The following MINDY4 variants were observed in gnomAD, a reference collection of about 807,000 sequenced individuals.
The protein encoded by MINDY4 is probable ubiquitin carboxyl-terminal hydrolase MINDY-4.
A neutral mutation model predicts 87.0 loss-of-function variants in MINDY4; 68 were observed. The observed-to-expected ratio is 0.78, with a 90% CI of 0.64 to 0.96. The LOEUF (loss-of-function observed/expected upper bound fraction) is 0.96. MINDY4 is among the 40% of genes least tolerant of loss of function. The pLI, the probability that MINDY4 is intolerant of heterozygous loss-of-function variation, is 0.00. For synonymous variants in MINDY4, 379 were observed against 363.2 expected, an observed-to-expected ratio of 1.04 and a Z score of -0.50; for missense variants, 919 against 928.2, an observed-to-expected ratio of 0.99 and a Z score of 0.13.
At chr7:30,854,877 AC>A (rs914744447) in intron 12 of MINDY4, among the ~76,000 whole-genome samples, 8 of 152,288 alleles carry the variant, frequency 5.3e-5, no homozygotes, top group Non-Finnish European at 1.2e-4. Context: ...AAGTGCTTTC[AC>A]CCCTCAGCCT....
chr7:30,844,442 T>G (rs1308666363), intron 9 of MINDY4, among the ~76,000 whole-genome samples: 1 of 144,970 alleles, frequency 6.9e-6, no homozygotes, highest in Admixed American at 6.8e-5. Flanking sequence ...CCCACCCCAG[T>G]CTCCTCCCAC....
rs1350891527 is a variant in MINDY4 at position 30,778,417 on chromosome 7, G to A, written c.64-15G>A. The A allele has an allele frequency of 6.2e-7, 1 of 1,614,178 alleles. No homozygotes were observed. The stretch of plus-strand genomic sequence containing the variant: ...ATTTAAGATGGTAAACAGCGATTCA[G>A]CTTTCTTCCCTCAGGGCTTAAAGAA... On this transcript the variant is annotated splice_polypyrimidine_tract_variant and intron_variant, in intron 1 of 17. Transcript: ENST00000265299.
At chr7:30,818,648 G>A (rs967945938) in intron 5 of MINDY4, among the ~76,000 whole-genome samples, 1 of 152,158 alleles carries the variant, frequency 6.6e-6, no homozygotes, top group Non-Finnish European at 1.5e-5. Context: ...TACTCTATTT[G>A]GGAATGTAAA....
At chr7:30,882,456 C>T (rs538608582) in intron 16 of MINDY4, 95 bp downstream of exon 16, 3 of 1,111,924 alleles carry the variant, frequency 2.7e-6, no homozygotes, top group Middle Eastern at 3.1e-4. Flanking sequence ...CACCAACCCC[C>T]ATGACAGAGA....
intron 17 of MINDY4, among the ~76,000 whole-genome samples, chr7:30,888,580 T>C (rs1283447067): frequency 6.6e-6 from 1 of 152,204 alleles, no homozygotes; most frequent in Non-Finnish European, 1.5e-5. Flanking sequence ...CAGTTGTTGG[T>C]TGCATATGCA....
At chr7:30,869,344 C>T (rs532749517) in intron 13 of MINDY4, among the ~76,000 whole-genome samples, 6 of 152,262 alleles carry the variant, frequency 3.9e-5, no homozygotes, top group African/African-American at 1.2e-4. Flanking sequence ...GCCTTCAGCC[C>T]GTATGTTTCA....
chr7:30,820,724 T>G (rs1364322760), intron 5 of MINDY4, among the ~76,000 whole-genome samples: 1 of 152,234 alleles, frequency 6.6e-6, no homozygotes, highest in African/African-American at 2.4e-5. Flanking sequence ...ATATAACATT[T>G]TATTTATTTA....
intron 5 of MINDY4, among the ~76,000 whole-genome samples, chr7:30,822,431 A>G (rs1249089940): frequency 6.6e-6 from 1 of 152,006 alleles, no homozygotes; most frequent in Non-Finnish European, 1.5e-5. Context: ...TCAGCCTCCT[A>G]AAGTGTTGGG....
intron 5 of MINDY4, among the ~76,000 whole-genome samples, chr7:30,814,899 A>T (rs539465247): frequency 1.3e-5 from 2 of 152,230 alleles, no homozygotes; most frequent in South Asian, 4.1e-4. Flanking sequence ...CTCTTATATA[A>T]ATGCTTACGC....
At chr7:30,791,013 A>C (rs1045001934) in intron 4 of MINDY4, 152 bp from the exon 5 acceptor site, 8 of 823,100 alleles carry the variant, frequency 9.7e-6, no homozygotes, top group African/African-American at 6.8e-5. Flanking sequence ...TAGCTCCTTA[A>C]ATAATAGGCA....
In MINDY4 at chr7:30,784,707, G is replaced by C. The variant is rs200190105; in HGVS notation, c.420-1042G>C. On this transcript the variant is annotated intron_variant, in intron 3 of 17. Transcript: ENST00000265299. ...CTGCCTGGTTCTCTCAGACTCAGGT[G>C]CTGCCTTCTCTGGGAGCCCTTCAGA... Among the ~76,000 whole-genome samples, 10 of 152,208 alleles carry C rather than the reference G, an allele frequency of 6.6e-5. No individual in the cohort carries two copies. The East Asian group carries it at 1.9e-3, about 29-fold the overall frequency.
At chr7:30,812,059 C>T (rs750131953) in intron 5 of MINDY4, among the ~76,000 whole-genome samples, 10 of 152,180 alleles carry the variant, frequency 6.6e-5, no homozygotes, top group South Asian at 4.2e-4. Flanking sequence ...CAAAAGGGCA[C>T]GTGTACCAGA....
chr7:30,796,170 C>T (rs1227981346), intron 5 of MINDY4, among the ~76,000 whole-genome samples: 1 of 151,790 alleles, frequency 6.6e-6, no homozygotes, highest in Non-Finnish European at 1.5e-5. Flanking sequence ...CATCTACTCT[C>T]TCAATCTCCC....
At chr7:30,835,057 A>G (rs558932481) in intron 6 of MINDY4, among the ~76,000 whole-genome samples, 1 of 152,308 alleles carries the variant, frequency 6.6e-6, no homozygotes, top group Non-Finnish European at 1.5e-5. Context: ...TTTCAAAGTC[A>G]CTTCCACATT....
chr7:30,840,930 G>C, intron 9 of MINDY4, 82 bp downstream of exon 9: 1 of 1,223,668 alleles, frequency 8.2e-7, no homozygotes, highest in Non-Finnish European at 1.2e-6. Flanking sequence ...AAGGAAGCAT[G>C]TGTGTTCCCT....
chr7:30,881,613 C>G (rs1247115327), intron 15 of MINDY4, among the ~76,000 whole-genome samples: 1 of 152,228 alleles, frequency 6.6e-6, no homozygotes, highest in Non-Finnish European at 1.5e-5. Flanking sequence ...AGGGTATGAT[C>G]TGTCGAGCAT....
At chr7:30,878,943 A>G (rs1173861002) in intron 15 of MINDY4, among the ~76,000 whole-genome samples, 2 of 152,190 alleles carry the variant, frequency 1.3e-5, no homozygotes, top group Non-Finnish European at 2.9e-5. Flanking sequence ...CACCTGTGAC[A>G]GCCTAGCCAA....
chr7:30,832,104 G>A (rs1393447259), intron 6 of MINDY4, among the ~76,000 whole-genome samples: 2 of 152,150 alleles, frequency 1.3e-5, no homozygotes, highest in Non-Finnish European at 2.9e-5. Context: ...GAAGCCAAAG[G>A]AGTTTGCCTT....
chr7:30,852,334 T>C, intron 11 of MINDY4, 55 bp downstream of exon 11: 1 of 1,612,738 alleles, frequency 6.2e-7, no homozygotes. Context: ...GGGGACTGTC[T>C]CCTTTCATAT....
Sources: allele counts gnomAD v4.1 joint callset (sites outside exome capture counted in the v4.1 genomes callset), GRCh38; gene constraint gnomAD v4.1.1; transcripts MANE v1.5; gene names NCBI Gene and HGNC (gene_info 2026-07-23, HGNC 2026-07-21).